ANKRD10: variants seen among roughly 807,000 people sequenced by gnomAD.
ANKRD10 encodes the protein ankyrin repeat domain 10, also known as ankyrin repeat domain-containing protein 10.
In ANKRD10, 14 loss-of-function variants were observed where a neutral mutation model predicts 27.0. The ratio of observed to expected loss-of-function variants is 0.52; its 90% CI spans 0.34 to 0.81. The LOEUF is 0.81. Among genes scored for constraint, ANKRD10 ranks in the 40% least tolerant of loss-of-function variants. The pLI is 0.01. For synonymous variants in ANKRD10, 250 were observed against 224.5 expected, an observed-to-expected ratio of 1.11 and a Z score of -1.01; for missense variants, 493 against 544.0, an observed-to-expected ratio of 0.91 and a Z score of 0.93.
rs200341506 is a variant in ANKRD10 at position 110,880,058 on chromosome 13, T to C, written c.842A>G (p.Asn281Ser). The change falls in exon 6 of 6, where the codon AAT becomes AGT. Residue 281 changes from asparagine to serine, a missense_variant. By Grantham distance (46) the Asn-to-Ser change is conservative (BLOSUM62 1). Transcript: ENST00000267339. Reference sequence around the variant, plus strand: ...CGTGGAGGGGAAGTCCAAATGTCCATTGATGACACATCCATTTGTCAATGT... The same window carrying C: ...CGTGGAGGGGAAGTCCAAATGTCCACTGATGACACATCCATTTGTCAATGT... ...SNTLTNGCVINGHLDFPSTTP... is the reference protein window; with the variant it reads ...SNTLTNGCVISGHLDFPSTTP... The C allele has an allele frequency of 9.9e-6, 16 of 1,614,150 alleles. No individual in the cohort carries two copies. The highest frequency in any genetic ancestry group is 2.2e-5 in the East Asian group (1 of 44,872).
chr13:110,906,785 AT>A (rs1184211381), intron 2 of ANKRD10, among the ~76,000 whole-genome samples: 1 of 152,190 alleles, frequency 6.6e-6, no homozygotes, highest in Non-Finnish European at 1.5e-5. Context: ...ACCAAGCTTC[AT>A]AAGAATGAAA....
At chr13:110,912,326 A>G (rs2065739580) in intron 1 of ANKRD10, among the ~76,000 whole-genome samples, 1 of 152,252 alleles carries the variant, frequency 6.6e-6, no homozygotes, top group Non-Finnish European at 1.5e-5. Context: ...TCAGGCTTTC[A>G]GTAAACACTC....
intron 4 of ANKRD10, among the ~76,000 whole-genome samples, chr13:110,888,795 C>T (rs2065001680): frequency 6.6e-6 from 1 of 152,112 alleles, no homozygotes; most frequent in Non-Finnish European, 1.5e-5. Flanking sequence ...ATACTTTTTT[C>T]TGTAAGGTGT....
chr13:110,891,490 C>T (rs1319078817), intron 4 of ANKRD10, among the ~76,000 whole-genome samples: 1 of 152,108 alleles, frequency 6.6e-6, no homozygotes, highest in Non-Finnish European at 1.5e-5. Flanking sequence ...TAAGTTCATA[C>T]ATTACTATAA....
At position 110,905,996 on chromosome 13, in the gene ANKRD10, C is replaced by T. The variant is rs139838121; in HGVS notation, c.455+37G>A. ...CCTTTAAACAAAACATCCTCAACTA[C>T]ATCTTTAGCTGGAAAGAATAAACGA... On this transcript the variant is annotated intron_variant, in intron 3 of 5. Coordinates refer to ENST00000267339, the MANE Select transcript of ANKRD10 (RefSeq NM_017664.4). The T allele has an allele frequency of 3.6e-4, 548 of 1,535,816 alleles. 1 individual carries two copies. In the African/African-American group the frequency reaches 5.8e-3, roughly 16 times the overall value.
In ANKRD10 at chr13:110,893,262, G is replaced by T; in HGVS notation, c.457C>A (p.Leu153Met). 6.2e-7 allele frequency: 1 copy of T among 1,613,840 alleles called. No homozygotes were observed. ...GCTGTCAGGCCACTGGCATTTCTCA[G>T]GCTGTACAACACAAAAACACTGAAT... Reference protein sequence around the residue: ...ALVANGAHVDLRNASGLTAAD... With the variant: ...ALVANGAHVDMRNASGLTAAD... Residue 153 changes from leucine (L) to methionine (M), a missense_variant and splice_region_variant, in exon 4 of 6, where the codon CTG becomes ATG. Transcript: ENST00000267339.
At chr13:110,893,381 A>G (rs1159645221) in intron 3 of ANKRD10, 118 bp from the exon 4 acceptor site, 1 of 896,862 alleles carries the variant, frequency 1.1e-6, no homozygotes, top group Non-Finnish European at 1.7e-6. Flanking sequence ...TTCATAGCAA[A>G]TCTTCATTAA....
chr13:110,910,706 G>A lies in ANKRD10; in HGVS notation c.275C>T (p.Ala92Val), dbSNP rs778067900. ...GGCTGCAATGTGGGCTGGCGTCTGC[G>A]CGTACCGTGTGGTGGAGACGTTGAG... Reference protein sequence around the residue: ...ATLNVSTTRYAQTPAHIAAFG... With the variant: ...ATLNVSTTRYVQTPAHIAAFG... The change falls in exon 2 of 6, where the codon GCG (alanine) becomes GTG (valine). Residue 92 changes from alanine to valine, a missense_variant. Physicochemically the swap from Ala to Val is moderately conservative, Grantham distance 64. Coordinates refer to ENST00000267339, the MANE Select transcript of ANKRD10 (RefSeq NM_017664.4). The A allele has an allele frequency of 2.5e-6, 4 of 1,614,136 alleles. No homozygotes were observed. The highest frequency in any genetic ancestry group is 3.4e-6 in the Non-Finnish European group (4 of 1,180,018).
At chr13:110,899,926 T>C (rs2065338414) in intron 3 of ANKRD10, among the ~76,000 whole-genome samples, 1 of 152,144 alleles carries the variant, frequency 6.6e-6, no homozygotes, top group African/African-American at 2.4e-5. Context: ...ATTTATTACC[T>C]CTAAGCCAAG....
chr13:110,906,082 C>T lies in ANKRD10; in HGVS notation c.406G>A (p.Gly136Arg). ...AGGGCACTGATGCATTCTAGGCTCC[C>T]AGAGCGAGCTGCCTTGTGAATGGGA... The part of the protein sequence containing the change: ...ETPIHKAARS[G>R]SLECISALVA... Residue 136 changes from glycine to arginine, a missense_variant, in exon 3 of 6, where the codon GGG becomes AGG. Gly to Arg is a moderately radical substitution (Grantham distance 125). Coordinates refer to ENST00000267339, the MANE Select transcript of ANKRD10 (RefSeq NM_017664.4). 1 of 1,605,020 alleles carries T rather than the reference C, an allele frequency of 6.2e-7. No homozygotes were observed. Among genetic ancestry groups the T allele is most frequent in the Non-Finnish European group, 8.5e-7 (1 of 1,175,274 alleles).
In ANKRD10 at chr13:110,894,438, G is replaced by T. The variant is rs2274418; in HGVS notation, c.456-1175C>A. The T allele has an allele frequency of 1.4e-4, 36 of 259,454 alleles. 2 individuals carry two copies. In the East Asian group the frequency reaches 2.2e-3, roughly 16 times the overall value. 16.1% of individuals were successfully genotyped at this position (259,454 alleles called of 1,614,324 possible). On this transcript the variant is annotated intron_variant, in intron 3 of 5. Coordinates refer to ENST00000267339, the MANE Select transcript of ANKRD10 (RefSeq NM_017664.4). ...AAAAAAAAAAAAAAACCCCGCATTT[G>T]AGAGTGAAAACTACAGAATTAGGGA...
At chr13:110,897,497 A>G (rs1020344223) in intron 3 of ANKRD10, among the ~76,000 whole-genome samples, 2 of 151,962 alleles carry the variant, frequency 1.3e-5, no homozygotes, top group Non-Finnish European at 2.9e-5. Flanking sequence ...CTTACTTAAC[A>G]TAATGTCTTC....
At chr13:110,886,028 A>G in intron 4 of ANKRD10, among the ~76,000 whole-genome samples, 1 of 152,378 alleles carries the variant, frequency 6.6e-6, no homozygotes, top group African/African-American at 2.4e-5. Context: ...AAACAAAAAC[A>G]CAAGGTAAAC....
At chr13:110,888,039 T>G (rs1451066777) in intron 4 of ANKRD10, among the ~76,000 whole-genome samples, 1 of 152,212 alleles carries the variant, frequency 6.6e-6, no homozygotes, top group African/African-American at 2.4e-5. Flanking sequence ...ATTGTTTTTC[T>G]ATTATGAGGT....
intron 1 of ANKRD10, among the ~76,000 whole-genome samples, 191 bp from the exon 2 acceptor site, chr13:110,910,961 T>A (rs1051088477): frequency 6.6e-6 from 1 of 152,214 alleles, no homozygotes; most frequent in Non-Finnish European, 1.5e-5. Flanking sequence ...CTTGTCCTTA[T>A]GAAAAAGACG....
rs2065125362 is a variant in ANKRD10, at chr13:110,893,035, TCTAG to T, written c.680_683del (p.Ala227GlufsTer34). Reference sequence around the variant, plus strand: ...CCCGCAAAGCGGTCTCACCTTCAGTTCTAGCTTTCTTTACTCCAAAGTCTTCTGA... The same window carrying T: ...CCCGCAAAGCGGTCTCACCTTCAGTTCTTTCTTTACTCCAAAGTCTTCTGA... On this transcript the variant is annotated frameshift_variant, in exon 4 of 6. Transcript: ENST00000267339. LOFTEE classifies it high-confidence loss of function. 1 of 1,614,074 alleles carries T rather than the reference TCTAG, an allele frequency of 6.2e-7. No homozygotes were observed.
chr13:110,892,369 G>A (rs1476972129), intron 4 of ANKRD10, among the ~76,000 whole-genome samples: 1 of 124,350 alleles, frequency 8.0e-6, no homozygotes, highest in Non-Finnish European at 1.6e-5. Context: ...GCCGGAGGTT[G>A]CAGTGAGCCG....
intron 1 of ANKRD10, 111 bp downstream of exon 1, chr13:110,914,614 C>T: frequency 7.0e-7 from 1 of 1,423,632 alleles, no homozygotes; most frequent in Non-Finnish European, 9.3e-7. Flanking sequence ...GTCGATCCCG[C>T]TTCCGCCCCG....
intron 4 of ANKRD10, among the ~76,000 whole-genome samples, chr13:110,891,552 AT>A (rs968037245): frequency 3.3e-5 from 5 of 152,240 alleles, no homozygotes; most frequent in Non-Finnish European, 5.9e-5. Context: ...TGTGAAGTAC[AT>A]AATACTGACA....
Sources: gnomAD v4.1 joint callset for allele counts (sites outside exome capture counted in the v4.1 genomes callset) on GRCh38, gnomAD v4.1.1 for gene constraint, MANE v1.5 for transcripts, NCBI Gene and HGNC (gene_info 2026-07-23, HGNC 2026-07-21) for gene names.